The following LIG1 variants were observed in gnomAD, a reference collection of about 807,000 sequenced individuals.
The protein encoded by LIG1 is DNA ligase 1, also known as ligase I, DNA, ATP-dependent.
A neutral mutation model predicts 115.7 loss-of-function variants in LIG1; 70 were observed. The observed-to-expected ratio is 0.60, with a 90% CI of 0.50 to 0.74. The LOEUF is 0.74. LIG1 is among the 30% of genes least tolerant of loss of function. LIG1 has a pLI of 0.00. For missense variants in LIG1, 1,115 were observed against 1,225.6 expected (o/e 0.91, Z 1.35); for synonymous variants, 487 against 495.3 (o/e 0.98, Z 0.22).
chr19:48,137,106 C>T lies in LIG1; in HGVS notation c.1255-22G>A, dbSNP rs3730969. On this transcript the variant is annotated intron_variant, in intron 13 of 27. Coordinates refer to ENST00000263274, the MANE Select transcript of LIG1 (RefSeq NM_000234.3). The surrounding 1 kb of genome is among the most constrained non-coding windows in gnomAD (Gnocchi z 4.3). ...TGGACTGGAGAGTCAGGGGAAGAGC[C>T]GTCAGTGCCTGGTGAAGGCAGGGAC... The T allele has an allele frequency of 2.1e-3, 3,423 of 1,596,788 alleles. 56 individuals are homozygous for T. The African/African-American group carries it at 0.038, about 18-fold the overall frequency.
At chr19:48,151,399 T>C (rs2035465717) in intron 6 of LIG1, 60 bp from the exon 7 acceptor site, 10 of 1,045,052 alleles carry the variant, frequency 9.6e-6, no homozygotes, top group Middle Eastern at 2.0e-4. Context: ...CAAGGGCATT[T>C]TGACTCTGGA....
At chr19:48,127,436 C>T in intron 20 of LIG1, 88 bp from the exon 21 acceptor site, 1 of 1,158,406 alleles carries the variant, frequency 8.6e-7, no homozygotes, top group Non-Finnish European at 1.2e-6. Flanking sequence ...CTACCGGTCT[C>T]CCTCTCGCCC....
At chr19:48,115,829 G>A in intron 27 of LIG1, 44 bp downstream of exon 27, 4 of 1,591,876 alleles carry the variant, frequency 2.5e-6, no homozygotes, top group Non-Finnish European at 3.4e-6. Flanking sequence ...AAGCTGGTAG[G>A]GCCAAGCAGC....
intron 5 of LIG1, 63 bp from the exon 6 acceptor site, chr19:48,154,030 G>T: frequency 7.4e-7 from 1 of 1,360,240 alleles, no homozygotes; most frequent in Non-Finnish European, 1.1e-6. Context: ...ATCCCGGAGA[G>T]CTCACACCCA....
intron 5 of LIG1, 76 bp downstream of exon 5, chr19:48,156,938 C>T: frequency 1.7e-6 from 1 of 604,660 alleles, no homozygotes; most frequent in Non-Finnish European, 2.2e-6. Context: ...GACTATGTCT[C>T]AAAAAAAAAA....
At position 48,134,022 on chromosome 19, in the gene LIG1, T is replaced by C; in HGVS notation, c.1568A>G (p.His523Arg). The change falls in exon 17 of 28, where the codon CAC becomes CGC. Residue 523 changes from histidine to arginine, a missense_variant. Transcript: ENST00000263274. ...GTGCTCCGGGAGACGTTCCAGGCCGTGCTCCAGCAGCACGGGGATAATTCG... is the reference window on the plus strand; with the variant it reads ...GTGCTCCGGGAGACGTTCCAGGCCGCGCTCCAGCAGCACGGGGATAATTCG... ...LDRIIPVLLE[H>R]GLERLPEHCK... The C allele has an allele frequency of 6.4e-7, 1 of 1,557,328 alleles. No homozygotes were observed. Among genetic ancestry groups the C allele is most frequent in the Non-Finnish European group, 8.7e-7 (1 of 1,149,974 alleles).
chr19:48,153,682 ACACACACAC>A (rs2035621585), intron 6 of LIG1, among the ~76,000 whole-genome samples, 181 bp downstream of exon 6: 1 of 135,438 alleles, frequency 7.4e-6, no homozygotes, highest in African/African-American at 2.9e-5. Flanking sequence ...ACACACACAC[ACACACACAC>A]CTCTCCTTCT....
chr19:48,123,663 G>A, intron 21 of LIG1: 2 of 352,020 alleles, frequency 5.7e-6, no homozygotes, highest in Non-Finnish European at 1.1e-5. Flanking sequence ...TGTCGCCCAG[G>A]CTGGAGTGCG....
intron 20 of LIG1, chr19:48,127,656 T>G (rs2122478756): frequency 6.5e-6 from 4 of 611,624 alleles, no homozygotes; most frequent in Non-Finnish European, 1.2e-5. Flanking sequence ...GGTTGTGGGG[T>G]TTTCCAGAAC....
chr19:48,127,397 G>A, intron 20 of LIG1, 49 bp from the exon 21 acceptor site: 2 of 1,527,324 alleles, frequency 1.3e-6, no homozygotes, highest in East Asian at 2.2e-5. Flanking sequence ...GTGAGACGGG[G>A]CACTGTGCCT....
At chr19:48,139,008 CT>C (rs2034571240) in intron 12 of LIG1, among the ~76,000 whole-genome samples, 1 of 152,190 alleles carries the variant, frequency 6.6e-6, no homozygotes, top group Non-Finnish European at 1.5e-5. Context: ...CCTGAAACCC[CT>C]GCCTTCCCTA....
At chr19:48,120,676 G>A in intron 24 of LIG1, 1 of 549,984 alleles carries the variant, frequency 1.8e-6, no homozygotes, top group Non-Finnish European at 2.3e-6. Context: ...GTGTTCACTG[G>A]CTGAGGCTGA....
At chr19:48,162,626 G>T (rs149449746) in intron 2 of LIG1, among the ~76,000 whole-genome samples, 1 of 151,814 alleles carries the variant, frequency 6.6e-6, no homozygotes, top group Non-Finnish European at 1.5e-5. Context: ...GTAGAGATGG[G>T]GTATCACCGT....
chr19:48,121,130 T>C (rs1239657512), intron 24 of LIG1, 40 bp downstream of exon 24: 1 of 1,613,970 alleles, frequency 6.2e-7, no homozygotes, highest in Admixed American at 1.7e-5. Context: ...TCTAATCTCC[T>C]TCCCTCCTGC....
intron 3 of LIG1, 72 bp downstream of exon 3, chr19:48,162,190 T>C: frequency 1.4e-6 from 2 of 1,422,288 alleles, no homozygotes; most frequent in Middle Eastern, 1.8e-4. Context: ...GCATTAGGTT[T>C]GAACACTTGC....
chr19:48,121,733 G>A (rs1453343868), intron 23 of LIG1, among the ~76,000 whole-genome samples: 3 of 152,172 alleles, frequency 2.0e-5, no homozygotes, highest in Non-Finnish European at 2.9e-5. Context: ...CCCGGGAGGC[G>A]GAGGTTGCAG....
chr19:48,137,163 C>A lies in LIG1; in HGVS notation c.1255-79G>T. 8.0e-7 allele frequency: 1 copy of A among 1,244,860 alleles called. No homozygotes were observed. The highest frequency in any genetic ancestry group is 1.5e-5 in the African/African-American group (1 of 67,878). The allele number at this position is 1,244,860 out of a possible 1,614,324, so 77.1% of individuals were successfully genotyped here. ...TCCACCCCACCAGCCGTGCTGCTGC[C>A]CTGCATTTTGGAATACCTGCCCTCC... On this transcript the variant is annotated intron_variant, in intron 13 of 27. Transcript: ENST00000263274. This position sits in a 1 kb window ranked among gnomAD's most constrained non-coding sequence, Gnocchi z 4.3.
Position 48,121,163 on chromosome 19 carries a change from C to T in LIG1, c.2385+7G>A, listed in dbSNP as rs1459909128. The T allele has an allele frequency of 6.2e-7, 1 of 1,614,150 alleles. No individual in the cohort carries two copies. The highest frequency in any genetic ancestry group is 1.3e-5 in the African/African-American group (1 of 75,058). ...TGCTTCTGCCATCAGCCCCAGTTCC[C>T]CAGGACCTTGCATATGGCCTGCAGC... On this transcript the variant is annotated splice_region_variant and intron_variant, in intron 24 of 27. Coordinates refer to ENST00000263274, the MANE Select transcript of LIG1 (RefSeq NM_000234.3).
At chr19:48,120,388 CA>C in intron 24 of LIG1, 1 of 985,078 alleles carries the variant, frequency 1.0e-6, no homozygotes, top group Non-Finnish European at 1.2e-6. Context: ...CACAACTTTG[CA>C]AAAATGTAAA....
Sources: gnomAD v4.1 joint callset for allele counts (sites outside exome capture counted in the v4.1 genomes callset) on GRCh38, gnomAD v4.1.1 for gene constraint, Gnocchi (gnomAD v3.1) non-coding constraint, MANE v1.5 for transcripts, NCBI Gene and HGNC (gene_info 2026-07-23, HGNC 2026-07-21) for gene names.